The following SLC1A2 variants were observed in gnomAD, a reference collection of about 807,000 sequenced individuals.
The protein encoded by SLC1A2 is excitatory amino acid transporter 2.
Under a neutral mutation model 48.8 loss-of-function variants are expected in SLC1A2, and 15 were observed. The ratio of observed to expected loss-of-function variants is 0.31; its 90% CI spans 0.21 to 0.47. The LOEUF is 0.47. Among genes scored for constraint, SLC1A2 ranks in the 20% least tolerant of loss-of-function variants. The probability of loss-of-function intolerance (pLI) is 0.99; values close to 1 mark genes in which losing one functional copy is unlikely to be tolerated. For synonymous variants in SLC1A2, 279 were observed against 272.6 expected (o/e 1.02, Z -0.23); for missense variants, 502 against 730.5 (o/e 0.69, Z 3.61).
chr11:35,350,547 G>C (rs1246449736), intron 1 of SLC1A2, among the ~76,000 whole-genome samples: 1 of 152,194 alleles, frequency 6.6e-6, no homozygotes, highest in Non-Finnish European at 1.5e-5. Context: ...TTCAAACCCA[G>C]GTCTCTCCAG....
At chr11:35,274,264 G>T (rs1240325494) in intron 9 of SLC1A2, among the ~76,000 whole-genome samples, 1 of 152,156 alleles carries the variant, frequency 6.6e-6, no homozygotes, top group Non-Finnish European at 1.5e-5. Flanking sequence ...ATCAAAAAAT[G>T]ATTTTGCTGC....
chr11:35,389,957 G>T (rs1048789530), intron 1 of SLC1A2, among the ~76,000 whole-genome samples: 1 of 152,174 alleles, frequency 6.6e-6, no homozygotes, highest in African/African-American at 2.4e-5. Flanking sequence ...ATTTCTGTTT[G>T]CTATCTGTAA....
chr11:35,376,903 C>T (rs1270657630), intron 1 of SLC1A2, among the ~76,000 whole-genome samples: 1 of 152,176 alleles, frequency 6.6e-6, no homozygotes, highest in South Asian at 2.1e-4. Context: ...ATGGAAGCTG[C>T]TAGGAAAAGC....
intron 1 of SLC1A2, among the ~76,000 whole-genome samples, chr11:35,328,207 T>A (rs981223180): frequency 1.3e-5 from 2 of 152,062 alleles, no homozygotes; most frequent in African/African-American, 4.8e-5. Context: ...ACAGGAACCA[T>A]CCTATTCCCA....
At chr11:35,410,574 C>T (rs956876377) in intron 1 of SLC1A2, among the ~76,000 whole-genome samples, 1 of 152,152 alleles carries the variant, frequency 6.6e-6, no homozygotes, top group Non-Finnish European at 1.5e-5. Context: ...TTTCCCCCCA[C>T]ATTCAGGACT....
intron 6 of SLC1A2, among the ~76,000 whole-genome samples, chr11:35,295,918 G>GGCTTACCTGA (rs1554996932): frequency 4.6e-5 from 7 of 152,084 alleles, no homozygotes; most frequent in Non-Finnish European, 8.8e-5. Flanking sequence ...GCTTACCCTG[G>GGCTTACCTGA]GCTTACCTGA....
At chr11:35,289,344 T>C (rs1183200562) in intron 7 of SLC1A2, among the ~76,000 whole-genome samples, 1 of 152,084 alleles carries the variant, frequency 6.6e-6, no homozygotes, top group Non-Finnish European at 1.5e-5. Context: ...AAAGAAACCT[T>C]CAGTTAATTC....
chr11:35,331,726 C>T (rs116515028), intron 1 of SLC1A2, among the ~76,000 whole-genome samples: 3,498 of 152,244 alleles, frequency 0.023, 118 homozygotes, highest in African/African-American at 0.079. Context: ...TATTTTACTT[C>T]GCACATTCGA....
intron 9 of SLC1A2, among the ~76,000 whole-genome samples, chr11:35,276,280 G>GCCTCTTAGACTCTCTTTC (rs1850436007): frequency 6.6e-6 from 1 of 151,994 alleles, no homozygotes; most frequent in Admixed American, 6.6e-5. Flanking sequence ...GAGGGCTCCT[G>GCCTCTTAGACTCTCTTTC]CCTCTTAGAC....
intron 10 of SLC1A2, among the ~76,000 whole-genome samples, chr11:35,262,356 G>A (rs1483679871): frequency 6.6e-6 from 1 of 152,078 alleles, no homozygotes; most frequent in East Asian, 1.9e-4. Context: ...TAAATACTGG[G>A]GCCTATGTTT....
At chr11:35,355,759 C>G (rs1207031525) in intron 1 of SLC1A2, among the ~76,000 whole-genome samples, 2 of 152,118 alleles carry the variant, frequency 1.3e-5, no homozygotes, top group Admixed American at 1.3e-4. Context: ...GTGGCATGTG[C>G]CTGTAATCCC....
At chr11:35,320,269 A>G (rs1315431248) in intron 1 of SLC1A2, among the ~76,000 whole-genome samples, 1 of 152,232 alleles carries the variant, frequency 6.6e-6, no homozygotes, top group Non-Finnish European at 1.5e-5. Flanking sequence ...ATATTTATTG[A>G]GTGTTCTCTA....
intron 1 of SLC1A2, among the ~76,000 whole-genome samples, chr11:35,395,800 A>G (rs1590270760): frequency 7.3e-6 from 1 of 136,766 alleles, no homozygotes; most frequent in African/African-American, 2.8e-5. Context: ...AGCATTAGGT[A>G]TATCTCCCAA....
At chr11:35,384,548 G>C (rs1157468127) in intron 1 of SLC1A2, among the ~76,000 whole-genome samples, 1 of 152,330 alleles carries the variant, frequency 6.6e-6, no homozygotes, top group East Asian at 1.9e-4. Flanking sequence ...AATCCTTAAT[G>C]AATCTCAAAC....
chr11:35,373,635 A>G (rs1437163976), intron 1 of SLC1A2, among the ~76,000 whole-genome samples: 3 of 152,242 alleles, frequency 2.0e-5, no homozygotes, highest in Non-Finnish European at 4.4e-5. Flanking sequence ...CTGTGCTGCA[A>G]CAAGGTGAGG....
intron 1 of SLC1A2, among the ~76,000 whole-genome samples, chr11:35,396,715 C>A (rs1854971718): frequency 6.6e-6 from 1 of 152,036 alleles, no homozygotes; most frequent in South Asian, 2.1e-4. Context: ...TCTTTTGTTG[C>A]CATTGCTTTT....
intron 8 of SLC1A2, among the ~76,000 whole-genome samples, chr11:35,282,869 G>T (rs1277265376): frequency 6.6e-6 from 1 of 152,098 alleles, no homozygotes; most frequent in Non-Finnish European, 1.5e-5. Flanking sequence ...TCACCCTCCG[G>T]TAGGCACTGT....
chr11:35,299,371 G>GTATATATATATACATA (rs1851279527), intron 6 of SLC1A2: 1 of 116,182 alleles, frequency 8.6e-6, no homozygotes, highest in Non-Finnish European at 2.0e-5. Flanking sequence ...GTGTGTGTGT[G>GTATATATATATACATA]TATATATATA....
intron 7 of SLC1A2, chr11:35,291,943 T>C: frequency 4.8e-6 from 1 of 208,578 alleles, no homozygotes; most frequent in East Asian, 1.2e-4. Flanking sequence ...GAAATGTTTA[T>C]TGAAAAATAT....
Sources: allele counts gnomAD v4.1 joint callset (sites outside exome capture counted in the v4.1 genomes callset), GRCh38; gene constraint gnomAD v4.1.1; transcripts MANE v1.5; gene names NCBI Gene and HGNC (gene_info 2026-07-23, HGNC 2026-07-21).